The following ACTRT3 variants were observed in gnomAD, a reference collection of about 807,000 sequenced individuals.
ACTRT3 encodes the protein actin-related protein T3.
In ACTRT3, 15 loss-of-function variants were observed where a neutral mutation model predicts 17.6. That is an observed-to-expected ratio of 0.85 (90% CI 0.57 to 1.31). ACTRT3 has a LOEUF of 1.31. Among genes scored for constraint, ACTRT3 ranks in the 50% most tolerant of loss-of-function variants. The pLI is 0.00. For missense variants in ACTRT3, 457 were observed against 466.7 expected, an observed-to-expected ratio of 0.98 and a Z score of 0.19; for synonymous variants, 169 against 176.4, an observed-to-expected ratio of 0.96 and a Z score of 0.33.
In ACTRT3 at chr3:169,769,289, A is replaced by G. The variant is rs756442333; in HGVS notation, c.200+32T>C. Reference sequence around the variant, plus strand: ...CACCCCCACCCCACCCACCCTCCCCAGCCCCAGCAGCCTGCTGGGAGAAGG... The same window carrying G: ...CACCCCCACCCCACCCACCCTCCCCGGCCCCAGCAGCCTGCTGGGAGAAGG... On this transcript the variant is annotated intron_variant, in intron 1 of 1. Coordinates refer to ENST00000330368, the MANE Select transcript of ACTRT3 (RefSeq NM_032487.5). 45 of 531,838 alleles carry G rather than the reference A, an allele frequency of 8.5e-5. No homozygotes were observed. In the South Asian group the frequency reaches 1.3e-3, roughly 15 times the overall value. The allele number at this position is 531,838 out of a possible 1,614,324, so 32.9% of individuals were successfully genotyped here.
At position 169,769,468 on chromosome 3, in the gene ACTRT3, T is replaced by G. The variant is rs777174971; in HGVS notation, c.53A>C (p.Lys18Thr). The change falls in exon 1 of 2, where the codon AAG becomes ACG. Residue 18 changes from lysine to threonine, a missense_variant. By Grantham distance (78) the Lys-to-Thr change is moderately conservative. Transcript: ENST00000330368. ...CTCCCGGCACCCAGCCACGCCCGCCTTGATCATTCCCGAGCCGTTGTCGAT... is the reference window on the plus strand; with the variant it reads ...CTCCCGGCACCCAGCCACGCCCGCCGTGATCATTCCCGAGCCGTTGTCGAT... ...VVIDNGSGMI[K>T]AGVAGCREPQ... 1.2e-6 allele frequency: 2 copies of G among 1,611,040 alleles called. No homozygotes were observed. The highest frequency in any genetic ancestry group is 1.3e-5 in the African/African-American group (1 of 74,530).
chr3:169,769,311 A>G lies in ACTRT3; in HGVS notation c.200+10T>C. 7.7e-7 allele frequency: 1 copy of G among 1,301,378 alleles called. No individual in the cohort carries two copies. The highest frequency in any genetic ancestry group is 9.8e-7 in the Non-Finnish European group (1 of 1,015,772). The allele number at this position is 1,301,378 out of a possible 1,614,324, so 80.6% of individuals were successfully genotyped here. A position where few individuals can be genotyped will look rare whatever the true frequency, so the allele number is the denominator to read the frequency against. On this transcript the variant is annotated intron_variant, in intron 1 of 1. Coordinates refer to ENST00000330368, the MANE Select transcript of ACTRT3 (RefSeq NM_032487.5). ...CCCAGCCCCAGCAGCCTGCTGGGAGAAGGAGGTACCTGATGAACAGCGAGC... is the reference window on the plus strand; with the variant it reads ...CCCAGCCCCAGCAGCCTGCTGGGAGGAGGAGGTACCTGATGAACAGCGAGC...
intron 1 of ACTRT3, among the ~76,000 whole-genome samples, chr3:169,769,025 T>C (rs1778032137): frequency 6.6e-6 from 1 of 152,136 alleles, no homozygotes; most frequent in Non-Finnish European, 1.5e-5. Context: ...TACATTTGTA[T>C]AGCCACAGAG....
rs2108185203 is a variant in ACTRT3, at chr3:169,767,527, T to C, written c.1024A>G (p.Ile342Val). 6.2e-7 allele frequency: 1 copy of C among 1,614,056 alleles called. No homozygotes were observed. Among genetic ancestry groups the C allele is most frequent in the Non-Finnish European group, 8.5e-7 (1 of 1,180,000 alleles). ...RKISVWMGGS[I>V]LASLSAFQDM... ...TGGAAGGCAGACAAGGATGCAAGAA[T>C]AGAACCTCCCATCCACACTGATATT... Residue 342 changes from isoleucine (I) to valine (V), a missense_variant, in exon 2 of 2, where the codon ATT becomes GTT. Coordinates refer to ENST00000330368, the MANE Select transcript of ACTRT3 (RefSeq NM_032487.5).
Position 169,769,560 on chromosome 3 carries a change from C to G in ACTRT3, c.-40G>C. ...CGCCGCCTCCTGTCTCTGAGCCGCT[C>G]TAGCTACGGGCTCGGCCGGGGCCGA... On this transcript the variant is annotated 5_prime_UTR_variant, in exon 1 of 2. Transcript: ENST00000330368. 1.3e-6 allele frequency: 2 copies of G among 1,599,672 alleles called. No individual in the cohort carries two copies. The highest frequency in any genetic ancestry group is 1.7e-6 in the Non-Finnish European group (2 of 1,171,336).
In ACTRT3 at chr3:169,767,109, C is replaced by G. The variant is rs962370004; in HGVS notation, c.*323G>C. 3 of 177,224 alleles carry G rather than the reference C, an allele frequency of 1.7e-5. No individual in the cohort carries two copies. The highest frequency in any genetic ancestry group is 7.1e-5 in the African/African-American group (3 of 42,290). 11.0% of individuals were successfully genotyped at this position (177,224 alleles called of 1,614,324 possible). On this transcript the variant is annotated 3_prime_UTR_variant, in exon 2 of 2. Transcript: ENST00000330368. ...ACCACAGCAACCTTCTTTCCCTAAA[C>G]TTCAATAAGCTTAAATCTTATCACT...
At chr3:169,768,709 T>C (rs1227610941) in intron 1 of ACTRT3, among the ~76,000 whole-genome samples, 1 of 152,008 alleles carries the variant, frequency 6.6e-6, no homozygotes, top group Non-Finnish European at 1.5e-5. Context: ...TTTGTATTTT[T>C]AGTAGAGACG....
In ACTRT3 at chr3:169,769,530, G is replaced by C; in HGVS notation, c.-10C>G. 1.2e-6 allele frequency: 2 copies of C among 1,607,078 alleles called. No homozygotes were observed. Among genetic ancestry groups the C allele is most frequent in the Non-Finnish European group, 1.7e-6 (2 of 1,176,484 alleles). Reference sequence around the variant, plus strand: ...GCTGGCAGTGGTTCATGCCGCCGCTGCTGCCGCCGCCTCCTGTCTCTGAGC... The same window carrying C: ...GCTGGCAGTGGTTCATGCCGCCGCTCCTGCCGCCGCCTCCTGTCTCTGAGC... On this transcript the variant is annotated 5_prime_UTR_variant, in exon 1 of 2. Coordinates refer to ENST00000330368, the MANE Select transcript of ACTRT3 (RefSeq NM_032487.5).
In ACTRT3 at chr3:169,769,349, G is replaced by C. The variant is rs1347832344; in HGVS notation, c.172C>G (p.Gln58Glu). ...GLELCVGDQA[Q>E]DWRSSLFISY... ...ATGAACAGCGAGCTCCTCCAGTCCT[G>C]AGCTTGGTCGCCCACGCAGAGTTCT... is the stretch of plus-strand genomic sequence containing the variant. Residue 58 changes from glutamine (Q) to glutamate (E), a missense_variant, in exon 1 of 2, where the codon CAG becomes GAG. Coordinates refer to ENST00000330368, the MANE Select transcript of ACTRT3 (RefSeq NM_032487.5). The C allele has an allele frequency of 1.3e-6, 2 of 1,522,614 alleles. No individual in the cohort carries two copies. The highest frequency in any genetic ancestry group is 2.4e-5 in the East Asian group (1 of 41,884). The allele number at this position is 1,522,614 out of a possible 1,614,324, so 94.3% of individuals were successfully genotyped here. A position where few individuals can be genotyped will look rare whatever the true frequency, so the allele number is the denominator to read the frequency against.
rs1208652029 is a variant in ACTRT3, at chr3:169,769,500, C to T, written c.21G>A (p.Pro7=). 6.2e-7 allele frequency: 1 copy of T among 1,610,468 alleles called. No individual in the cohort carries two copies. Residue 7 remains proline (P), a synonymous_variant, in exon 1 of 2, where the codon CCG becomes CCA. Transcript: ENST00000330368. MNHCQL[P]VVIDNGSGMI... is the part of the protein sequence containing the mutation. ...TTCCCGAGCCGTTGTCGATCACCAC[C>T]GGTAGCTGGCAGTGGTTCATGCCGC...
In ACTRT3 at chr3:169,767,577, T is replaced by C. The variant is rs2108185265; in HGVS notation, c.974A>G (p.Gln325Arg). The stretch of plus-strand genomic sequence containing the variant: ...TTTCCTTTCTGGAGGAGCTATAACT[T>C]GCACAGCGGTGTTGGCAGGAGCCAC... ...AKVAPANTAV[Q>R]VIAPPERKIS... is the part of the protein sequence containing the mutation. Residue 325 changes from glutamine (Q) to arginine (R), a missense_variant, in exon 2 of 2, where the codon CAA (glutamine) becomes CGA (arginine). By Grantham distance (43) the Gln-to-Arg change is conservative. Coordinates refer to ENST00000330368, the MANE Select transcript of ACTRT3 (RefSeq NM_032487.5). 1 of 1,614,126 alleles carries C rather than the reference T, an allele frequency of 6.2e-7. No individual in the cohort carries two copies. Among genetic ancestry groups the C allele is most frequent in the South Asian group, 1.1e-5 (1 of 91,090 alleles).
Position 169,768,227 on chromosome 3 carries a change from C to T in ACTRT3, c.324G>A (p.Ala108=), listed in dbSNP as rs747030413. 11 of 1,613,922 alleles carry T rather than the reference C, an allele frequency of 6.8e-6. No homozygotes were observed. The highest frequency in any genetic ancestry group is 6.6e-5 in the South Asian group (6 of 91,074). The change falls in exon 2 of 2, where the codon GCG becomes GCA. Residue 108 remains alanine (A), a synonymous_variant. Coordinates refer to ENST00000330368, the MANE Select transcript of ACTRT3 (RefSeq NM_032487.5). ...GTTGCCGGTTGGCCAGTGGGTTCAG[C>T]GCTGGCTCAGTAATCAAGACTGGGC... is the stretch of plus-strand genomic sequence containing the variant. ...CDGPVLITEP[A]LNPLANRQQI...
rs1778006259 is a variant in ACTRT3, at chr3:169,767,554, T to G, written c.997A>C (p.Lys333Gln). Residue 333 changes from lysine to glutamine, a missense_variant, in exon 2 of 2, where the codon AAA (lysine) becomes CAA (glutamine). Lys to Gln is a moderately conservative substitution (Grantham distance 53, BLOSUM62 1). Transcript: ENST00000330368. ...GAACCTCCCATCCACACTGATATTT[T>G]CCTTTCTGGAGGAGCTATAACTTGC... ...AVQVIAPPER[K>Q]ISVWMGGSIL... 2.5e-6 allele frequency: 4 copies of G among 1,614,130 alleles called. No homozygotes were observed. The highest frequency in any genetic ancestry group is 3.4e-6 in the Non-Finnish European group (4 of 1,180,040).
chr3:169,769,424 T>C lies in ACTRT3; in HGVS notation c.97A>G (p.Asn33Asp). ...TGGCCCTTGGCGCGGCCGATAATGT[T>C]CGGGTAGATAAACTGGGGCTCCCGG... ...GCREPQFIYP[N>D]IIGRAKGQSR... The change falls in exon 1 of 2, where the codon AAC (asparagine) becomes GAC (aspartate). Residue 33 changes from asparagine to aspartate, a missense_variant. Physicochemically the swap from Asn to Asp is conservative, Grantham distance 23. Coordinates refer to ENST00000330368, the MANE Select transcript of ACTRT3 (RefSeq NM_032487.5). 7 of 1,608,076 alleles carry C rather than the reference T, an allele frequency of 4.4e-6. No individual in the cohort carries two copies. The highest frequency in any genetic ancestry group is 5.1e-6 in the Non-Finnish European group (6 of 1,178,586).
Position 169,769,313 on chromosome 3 carries a change from G to A in ACTRT3, c.200+8C>T, listed in dbSNP as rs202141048. ...CAGCCCCAGCAGCCTGCTGGGAGAA[G>A]GAGGTACCTGATGAACAGCGAGCTC... On this transcript the variant is annotated splice_region_variant and intron_variant, in intron 1 of 1. Transcript: ENST00000330368. 4.7e-5 allele frequency: 63 copies of A among 1,354,170 alleles called. No individual in the cohort carries two copies. In the African/African-American group the frequency reaches 1.8e-3, roughly 39 times the overall value. 83.9% of individuals were successfully genotyped at this position (1,354,170 alleles called of 1,614,324 possible).
chr3:169,768,295 T>C lies in ACTRT3; in HGVS notation c.256A>G (p.Lys86Glu). 2 of 1,613,756 alleles carry C rather than the reference T, an allele frequency of 1.2e-6. No homozygotes were observed. The highest frequency in any genetic ancestry group is 1.7e-6 in the Non-Finnish European group (2 of 1,179,922). The change falls in exon 2 of 2, where the codon AAG becomes GAG. Residue 86 changes from lysine (K) to glutamate (E), a missense_variant. Physicochemically the swap from Lys to Glu is moderately conservative, Grantham distance 56 (BLOSUM62 1). Transcript: ENST00000330368. ...TSWEDMEIMW[K>E]HIYDYNLKLK... The stretch of plus-strand genomic sequence containing the variant: ...TTTAGGTTATAGTCATAGATATGCT[T>C]CCACATGATCTCCATGTCCTCCCAT...
At position 169,769,500 on chromosome 3, in the gene ACTRT3, CG is replaced by C; in HGVS notation, c.20del (p.Pro7ArgfsTer3). The C allele has an allele frequency of 6.2e-7, 1 of 1,610,468 alleles. No homozygotes were observed. The highest frequency in any genetic ancestry group is 8.5e-7 in the Non-Finnish European group (1 of 1,178,852). ...TTCCCGAGCCGTTGTCGATCACCAC[CG>C]GTAGCTGGCAGTGGTTCATGCCGCC... Reference protein sequence around the residue: MNHCQLPVVIDNGSGMI... With the variant: MNHCQLXVVIDNGSGMI... On this transcript the variant is annotated frameshift_variant, in exon 1 of 2. Coordinates refer to ENST00000330368, the MANE Select transcript of ACTRT3 (RefSeq NM_032487.5). LOFTEE classifies it high-confidence loss of function.
In ACTRT3 at chr3:169,769,524, G is replaced by A. The variant is rs369704984; in HGVS notation, c.-4C>T. On this transcript the variant is annotated 5_prime_UTR_variant, in exon 1 of 2. Coordinates refer to ENST00000330368, the MANE Select transcript of ACTRT3 (RefSeq NM_032487.5). Reference sequence around the variant, plus strand: ...CCGGTAGCTGGCAGTGGTTCATGCCGCCGCTGCTGCCGCCGCCTCCTGTCT... The same window carrying A: ...CCGGTAGCTGGCAGTGGTTCATGCCACCGCTGCTGCCGCCGCCTCCTGTCT... The A allele has an allele frequency of 1.2e-6, 2 of 1,607,376 alleles. No individual in the cohort carries two copies. Among genetic ancestry groups the A allele is most frequent in the South Asian group, 1.1e-5 (1 of 90,878 alleles).
chr3:169,768,730 G>C (rs1257031804), intron 1 of ACTRT3, among the ~76,000 whole-genome samples: 2 of 151,810 alleles, frequency 1.3e-5, no homozygotes, highest in Non-Finnish European at 2.9e-5. Context: ...GGGTTTCACC[G>C]TGTTAGCCAC....
Sources: allele counts gnomAD v4.1 joint callset (sites outside exome capture counted in the v4.1 genomes callset), GRCh38; gene constraint gnomAD v4.1.1; transcripts MANE v1.5; gene names NCBI Gene and HGNC (gene_info 2026-07-23, HGNC 2026-07-21).